The following PRCD variants were observed in gnomAD, a reference collection of about 807,000 sequenced individuals.
The protein encoded by PRCD is photoreceptor disk component PRCD.
A neutral mutation model predicts 10.1 loss-of-function variants in PRCD; 12 were observed. The observed-to-expected ratio is 1.18, with a 90% CI of 0.76 to 1.92. The LOEUF is 1.92. PRCD is among the 40% of genes most tolerant of loss of function. The probability of loss-of-function intolerance (pLI) is 0.00; values close to 1 mark genes in which losing one functional copy is unlikely to be tolerated. For synonymous variants in PRCD, 31 were observed against 26.2 expected (o/e 1.18, Z -0.56); for missense variants, 61 against 72.2 (o/e 0.84, Z 0.56).
chr17:76,539,025 A>C (rs575145257), upstream of PRCD, among the ~76,000 whole-genome samples: 2 of 152,286 alleles, frequency 1.3e-5, no homozygotes, highest in South Asian at 4.1e-4. Flanking sequence ...CTGGGAGCTC[A>C]GGGTTCAGGT....
chr17:76,537,546 C>G, upstream of PRCD: 1 of 1,516,372 alleles, frequency 6.6e-7, no homozygotes, highest in Non-Finnish European at 8.8e-7. Context: ...TCTCCATGAG[C>G]AGCTCCAAGC....
chr17:76,542,584 T>C lies in PRCD; in HGVS notation c.*10T>C, dbSNP rs2075005141. The C allele has an allele frequency of 1.2e-6, 2 of 1,613,976 alleles. No individual in the cohort carries two copies. The highest frequency in any genetic ancestry group is 1.7e-6 in the Non-Finnish European group (2 of 1,179,960). ...AGAACCTCTGAAGTAAGCCCTCACCTCTGCAGGTGGGGCTCAGGCCCAGAG... is the reference window on the plus strand; with the variant it reads ...AGAACCTCTGAAGTAAGCCCTCACCCCTGCAGGTGGGGCTCAGGCCCAGAG... On this transcript the variant is annotated 3_prime_UTR_variant, in exon 3 of 5. Transcript: ENST00000592014.
At chr17:76,541,813 C>T (rs1260284526) in intron 2 of PRCD, among the ~76,000 whole-genome samples, 1 of 152,194 alleles carries the variant, frequency 6.6e-6, no homozygotes, top group African/African-American at 2.4e-5. Flanking sequence ...TCTGGCTTCC[C>T]TCTTACTAAT....
At chr17:76,539,026 G>A (rs1490868900), upstream of PRCD, among the ~76,000 whole-genome samples, 2 of 152,236 alleles carry the variant, frequency 1.3e-5, no homozygotes, top group South Asian at 4.1e-4. Flanking sequence ...TGGGAGCTCA[G>A]GGTTCAGGTG....
chr17:76,532,358 T>C (rs867714043), intron 1 of PRCD, among the ~76,000 whole-genome samples: 2 of 152,130 alleles, frequency 1.3e-5, no homozygotes, highest in Middle Eastern at 3.2e-3. Context: ...CAGACATGCC[T>C]TACCTGGAGC....
upstream of PRCD, chr17:76,537,513 G>T (rs758894641): frequency 3.2e-6 from 5 of 1,574,332 alleles, no homozygotes; most frequent in South Asian, 1.1e-5. Flanking sequence ...CCCTGCGCTC[G>T]ATCTCCATCT....
At chr17:76,537,707 T>C, upstream of PRCD, 1 of 480,012 alleles carries the variant, frequency 2.1e-6, no homozygotes, top group Non-Finnish European at 2.7e-6. Context: ...CGGGTGTGTG[T>C]GTGTGTGTGC....
At position 76,530,857 on chromosome 17, in the gene PRCD, C is replaced by G. The variant is rs1174362776; in HGVS notation, n.45+3024C>G. ...CTTACATGTCAGACCCCAGGGTTGG[C>G]CTGCCTCAAGTGTGCCTGCCCAGGT... On this transcript the variant is annotated intron_variant and non_coding_transcript_variant, in intron 1 of 4. Transcript: ENST00000397633. This position sits in a 1 kb window ranked among gnomAD's most constrained non-coding sequence, Gnocchi z 6.1. 3 of 1,161,892 alleles carry G rather than the reference C, an allele frequency of 2.6e-6. No individual in the cohort carries two copies. The highest frequency in any genetic ancestry group is 2.9e-5 in the Admixed American group (1 of 35,004). The allele number at this position is 1,161,892 out of a possible 1,614,324, so 72.0% of individuals were successfully genotyped here.
upstream of PRCD, among the ~76,000 whole-genome samples, chr17:76,536,755 C>A (rs567312369): frequency 6.6e-6 from 1 of 152,250 alleles, no homozygotes; most frequent in African/African-American, 2.4e-5. Context: ...CTCTTCTTCC[C>A]CTCACCCTCC....
At chr17:76,538,459 C>A (rs1186024219), upstream of PRCD, 3 of 460,708 alleles carry the variant, frequency 6.5e-6, no homozygotes, top group East Asian at 2.3e-4. Flanking sequence ...TGCACGAACG[C>A]GGCGGCGGCG....
rs768637022 is a variant in PRCD at position 76,544,814 on chromosome 17, C to T, written c.*1164C>T. ...CCATTTCCGAGTTGCTCATCTCCTT[C>T]CACTGGTCTGAGGAATTGTCAGGCC... On this transcript the variant is annotated 3_prime_UTR_variant, in exon 5 of 5. Transcript: ENST00000592014. 4 of 456,702 alleles carry T rather than the reference C, an allele frequency of 8.8e-6. No homozygotes were observed. The highest frequency in any genetic ancestry group is 2.0e-5 in the African/African-American group (1 of 50,102). The allele number at this position is 456,702 out of a possible 1,614,324, so 28.3% of individuals were successfully genotyped here.
chr17:76,539,660 C>T (rs1403460031), upstream of PRCD, among the ~76,000 whole-genome samples: 1 of 152,222 alleles, frequency 6.6e-6, no homozygotes, highest in Non-Finnish European at 1.5e-5. Flanking sequence ...ATGTCAGTAG[C>T]TTCGGCAGCG....
rs1452103501 is a variant in PRCD at position 76,543,868 on chromosome 17, C to T, written c.*218C>T. On this transcript the variant is annotated 3_prime_UTR_variant, in exon 5 of 5. Coordinates refer to ENST00000592014, the MANE Select transcript of PRCD (RefSeq NM_001077620.3). ...TATCAATAAGAAATGCCAGTTGGAT[C>T]TGTGACATGTCTGCCTGCAGCTGGA... 2.1e-6 allele frequency: 1 copy of T among 471,030 alleles called. No homozygotes were observed. The highest frequency in any genetic ancestry group is 4.4e-6 in the Non-Finnish European group (1 of 227,072). 29.2% of individuals were successfully genotyped at this position (471,030 alleles called of 1,614,324 possible). A position where few individuals can be genotyped will look rare whatever the true frequency, so the allele number is the denominator to read the frequency against.
chr17:76,536,011 C>T (rs1480973202), upstream of PRCD, among the ~76,000 whole-genome samples: 9 of 152,286 alleles, frequency 5.9e-5, no homozygotes, highest in South Asian at 6.2e-4. Context: ...CAGTCTGGCA[C>T]ATCTGCGGCT....
upstream of PRCD, among the ~76,000 whole-genome samples, chr17:76,538,995 A>G (rs2074955793): frequency 6.6e-6 from 1 of 152,232 alleles, no homozygotes; most frequent in Non-Finnish European, 1.5e-5. Flanking sequence ...GGCCAGCCTC[A>G]GCTGCAGCCT....
In PRCD at chr17:76,528,607, G is replaced by A. The variant is rs1300517499; in HGVS notation, n.45+774G>A. 5.5e-6 allele frequency: 7 copies of A among 1,280,184 alleles called. No individual in the cohort carries two copies. The highest frequency in any genetic ancestry group is 7.0e-6 in the Non-Finnish European group (7 of 1,004,726). 79.3% of individuals were successfully genotyped at this position (1,280,184 alleles called of 1,614,324 possible). A position where few individuals can be genotyped will look rare whatever the true frequency, so the allele number is the denominator to read the frequency against. On this transcript the variant is annotated intron_variant and non_coding_transcript_variant, in intron 1 of 4. Transcript: ENST00000397633. This position sits in a 1 kb window ranked among gnomAD's most constrained non-coding sequence, Gnocchi z 5.8. ...GGCCCCGAAGAGGGCAGTGTGGCCGGTGGGCTGTGGACGAGATAGGAAGGG... is the reference window on the plus strand; with the variant it reads ...GGCCCCGAAGAGGGCAGTGTGGCCGATGGGCTGTGGACGAGATAGGAAGGG...
intron 1 of PRCD, among the ~76,000 whole-genome samples, chr17:76,534,572 C>T (rs4594280): frequency 0.98 from 149,024 of 152,348 alleles, 72,974 homozygotes; most frequent in Middle Eastern, 1. Flanking sequence ...ACTTACTGTA[C>T]GATCTCACGA....
chr17:76,540,250 T>TTG lies in PRCD; in HGVS notation c.74+35_74+36insTG, dbSNP rs774019278. ...TGACCGGGCTATGGCTGGCGGTTGG[T>TTG]CGGGGGGGGGGGGCATGGGGCTGGG... On this transcript the variant is annotated intron_variant, in intron 1 of 4. Transcript: ENST00000592014. This position sits in a 1 kb window ranked among gnomAD's most constrained non-coding sequence, Gnocchi z 5.0. The TTG allele has an allele frequency of 6.4e-6, 3 of 467,222 alleles. No individual in the cohort carries two copies. The highest frequency in any genetic ancestry group is 1.1e-5 in the Non-Finnish European group (3 of 278,554). The allele number at this position is 467,222 out of a possible 1,614,324, so 28.9% of individuals were successfully genotyped here.
At chr17:76,551,299 GA>G (rs2075106733) in intron 1 of PRCD, 1 of 152,198 alleles carries the variant, frequency 6.6e-6, no homozygotes, top group African/African-American at 2.4e-5. Context: ...ACATGCCCAG[GA>G]AATAACAGAA....
Sources: allele counts gnomAD v4.1 joint callset (sites outside exome capture counted in the v4.1 genomes callset), GRCh38; gene constraint gnomAD v4.1.1; non-coding constraint Gnocchi (gnomAD v3.1); transcripts MANE v1.5; gene names NCBI Gene and HGNC (gene_info 2026-07-23, HGNC 2026-07-21).